Variants in NPC1 observed in about 807,000 individuals in gnomAD.
NPC1 encodes the protein Niemann-Pick C1 protein.
Under a neutral mutation model 140.4 loss-of-function variants are expected in NPC1, and 85 were observed. The observed-to-expected ratio is 0.61, with a 90% CI of 0.51 to 0.72. The LOEUF is 0.72. Ranked by LOEUF, NPC1 falls within the 30% of genes least tolerant of loss-of-function variation. The probability of loss-of-function intolerance (pLI) is 0.00; values close to 1 mark genes in which losing one functional copy is unlikely to be tolerated. For synonymous variants in NPC1, 656 were observed against 624.8 expected, an observed-to-expected ratio of 1.05 and a Z score of -0.74; for missense variants, 1,504 against 1,623.8, an observed-to-expected ratio of 0.93 and a Z score of 1.27.
At chr18:23,508,972 C>A (rs2057780655) in intron 3 of NPC1, among the ~76,000 whole-genome samples, 1 of 152,132 alleles carries the variant, frequency 6.6e-6, no homozygotes, top group African/African-American at 2.4e-5. Flanking sequence ...TTCTCCTGTT[C>A]TGTTTAGTAG....
At chr18:23,561,087 C>T (rs1233064629) in intron 5 of NPC1, among the ~76,000 whole-genome samples, 1 of 152,202 alleles carries the variant, frequency 6.6e-6, no homozygotes, top group African/African-American at 2.4e-5. Flanking sequence ...TCGTAACTCA[C>T]TGCAGCCTTG....
chr18:23,551,741 TA>T lies in NPC1; in HGVS notation c.1554-15del. ...GAGGCAGGAGCCCTGCCAAAAAGTT[TA>T]GAAAACACCTCCCAGTTAGAAGGGC... On this transcript the variant is annotated splice_polypyrimidine_tract_variant and intron_variant, in intron 9 of 24. Coordinates refer to ENST00000269228, the MANE Select transcript of NPC1 (RefSeq NM_000271.5). The T allele has an allele frequency of 6.3e-7, 1 of 1,580,626 alleles. No individual in the cohort carries two copies. The highest frequency in any genetic ancestry group is 1.1e-5 in the South Asian group (1 of 90,424).
rs1347569691 is a variant in NPC1 at position 23,551,704 on chromosome 18, G to C, written c.1577C>G (p.Thr526Arg). 2 of 1,614,022 alleles carry C rather than the reference G, an allele frequency of 1.2e-6. No individual in the cohort carries two copies. Among genetic ancestry groups the C allele is most frequent in the Non-Finnish European group, 1.7e-6 (2 of 1,179,986 alleles). The change falls in exon 10 of 25, where the codon ACA becomes AGA. Residue 526 changes from threonine (T) to arginine (R), a missense_variant. Physicochemically the swap from Thr to Arg is moderately conservative, Grantham distance 71. Transcript: ENST00000269228. ...CVRAPASLNDTSLLHDPCLGT... is the reference protein window; with the variant it reads ...CVRAPASLNDRSLLHDPCLGT... ...CAGACAAGGGTCATGGAGCAAACTT[G>C]TATCATTCAGAGAGGCAGGAGCCCT...
In NPC1 at chr18:23,556,338, G is replaced by T; in HGVS notation, c.1231C>A (p.Arg411=). 6.2e-7 allele frequency: 1 copy of T among 1,614,082 alleles called. No individual in the cohort carries two copies. The highest frequency in any genetic ancestry group is 2.2e-5 in the East Asian group (1 of 44,864). The change falls in exon 8 of 25, where the codon CGG becomes AGG. Residue 411 remains arginine, a synonymous_variant. Transcript: ENST00000269228. ...ATGTGTTTGTCAGTGAGAGGGGCCCGGATGATGAGCTGCTCCGTCCGGAAG... is the reference window on the plus strand; with the variant it reads ...ATGTGTTTGTCAGTGAGAGGGGCCCTGATGATGAGCTGCTCCGTCCGGAAG... ...PFFRTEQLII[R]APLTDKHIYQ...
intron 3 of NPC1, among the ~76,000 whole-genome samples, chr18:23,512,771 A>G (rs970903222): frequency 6.6e-6 from 1 of 151,926 alleles, no homozygotes; most frequent in Non-Finnish European, 1.5e-5. Flanking sequence ...AACATACAAC[A>G]TTTATTATCT....
intron 3 of NPC1, chr18:23,515,864 A>G: frequency 6.2e-7 from 1 of 1,614,158 alleles, no homozygotes; most frequent in Non-Finnish European, 8.5e-7. Flanking sequence ...AGGTATTACC[A>G]GAGAAACGGA....
chr18:23,534,473 T>C lies in NPC1; in HGVS notation c.3564A>G (p.Glu1188=). 6.2e-7 allele frequency: 1 copy of C among 1,613,884 alleles called. No homozygotes were observed. Among genetic ancestry groups the C allele is most frequent in the South Asian group, 1.1e-5 (1 of 91,084 alleles). Residue 1188 remains glutamate, a synonymous_variant, in exon 23 of 25, where the codon GAA becomes GAG. Transcript: ENST00000269228. ...SMKGSRVERA[E]EALAHMGSSV... ...AGCTGCCCATGTGGGCAAGTGCCTC[T>C]TCCGCGCGCTCCACGCGGCTGCCTT...
chr18:23,541,976 A>G (rs2058718801), intron 14 of NPC1, among the ~76,000 whole-genome samples: 1 of 152,150 alleles, frequency 6.6e-6, no homozygotes. Context: ...ACTTTTTTTT[A>G]TAAGTTGCCA....
intron 4 of NPC1, among the ~76,000 whole-genome samples, chr18:23,565,693 A>G (rs2059114515): frequency 6.6e-6 from 1 of 152,108 alleles, no homozygotes; most frequent in Non-Finnish European, 1.5e-5. Flanking sequence ...AGTTACTCCT[A>G]AGTATTTCCC....
intron 23 of NPC1, chr18:23,534,029 A>C (rs768966289): frequency 3.0e-6 from 1 of 329,260 alleles, no homozygotes; most frequent in Non-Finnish European, 5.8e-6. Flanking sequence ...GTTACGAAAC[A>C]AAGTTTTAGT....
chr18:23,540,527 A>C lies in NPC1; in HGVS notation c.2525T>G (p.Phe842Cys). 6.2e-7 allele frequency: 1 copy of C among 1,610,512 alleles called. No individual in the cohort carries two copies. The highest frequency in any genetic ancestry group is 8.5e-7 in the Non-Finnish European group (1 of 1,176,710). The change falls in exon 17 of 25, where the codon TTT becomes TGT. Residue 842 changes from phenylalanine to cysteine, a missense_variant. Transcript: ENST00000269228. ...GATGCTGAATGACAGAACACCCACA[A>C]ATATTGCTATCTGGAACAACAAATG... ...DWMRPIVIAI[F>C]VGVLSFSIAV... is the part of the protein sequence containing the mutation.
intron 17 of NPC1, among the ~76,000 whole-genome samples, 196 bp from the exon 18 acceptor site, chr18:23,540,197 G>A (rs2058693602): frequency 6.6e-6 from 1 of 152,160 alleles, no homozygotes; most frequent in South Asian, 2.1e-4. Flanking sequence ...ACAATCAGGA[G>A]AGCATCTCAT....
intron 17 of NPC1, 74 bp downstream of exon 17, chr18:23,540,374 C>T (rs763062757): frequency 1.4e-5 from 14 of 975,806 alleles, no homozygotes; most frequent in Non-Finnish European, 2.2e-5. Context: ...GAAACACCTA[C>T]GTGCATGTTT....
At chr18:23,537,069 T>G (rs1305447713) in intron 20 of NPC1, among the ~76,000 whole-genome samples, 193 bp from the exon 21 acceptor site, 10 of 151,638 alleles carry the variant, frequency 6.6e-5, no homozygotes, top group African/African-American at 2.4e-4. Context: ...CAGACTGGCT[T>G]CTTTTTTTTT....
chr18:23,558,989 T>C (rs1324157855), intron 6 of NPC1, among the ~76,000 whole-genome samples: 2 of 152,222 alleles, frequency 1.3e-5, no homozygotes, highest in African/African-American at 4.8e-5. Context: ...TTTTTGTCCT[T>C]GCGATATTTT....
At chr18:23,514,853 C>T (rs944372320) in intron 3 of NPC1, among the ~76,000 whole-genome samples, 1 of 152,094 alleles carries the variant, frequency 6.6e-6, no homozygotes, top group African/African-American at 2.4e-5. Context: ...GGCTCCTGCC[C>T]CTGACTTGCG....
downstream of NPC1, among the ~76,000 whole-genome samples, chr18:23,520,977 CA>C (rs1361077582): frequency 6.6e-6 from 1 of 152,202 alleles, no homozygotes; most frequent in Non-Finnish European, 1.5e-5. Context: ...CTTGGCCTCT[CA>C]AAGTGGTGGG....
In NPC1 at chr18:23,536,595, G is replaced by C. The variant is rs1451361027; in HGVS notation, c.3245+78C>G. On this transcript the variant is annotated intron_variant, in intron 21 of 24. Coordinates refer to ENST00000269228, the MANE Select transcript of NPC1 (RefSeq NM_000271.5). ...AACCCAACCTGAAAATCAGCATCTTGCCAAGGGAACCCTCCCCACTCCCAC... is the reference window on the plus strand; with the variant it reads ...AACCCAACCTGAAAATCAGCATCTTCCCAAGGGAACCCTCCCCACTCCCAC... The C allele has an allele frequency of 4.6e-6, 6 of 1,295,228 alleles. No individual in the cohort carries two copies. In the African/African-American group the frequency reaches 8.8e-5, roughly 19 times the overall value. The allele number at this position is 1,295,228 out of a possible 1,614,324, so 80.2% of individuals were successfully genotyped here. A position where few individuals can be genotyped will look rare whatever the true frequency, so the allele number is the denominator to read the frequency against.
intron 7 of NPC1, 146 bp from the exon 8 acceptor site, chr18:23,556,759 T>A (rs1161024036): frequency 2.3e-6 from 3 of 1,307,660 alleles, no homozygotes; most frequent in Non-Finnish European, 3.2e-6. Context: ...CTCAGCTACC[T>A]ATCTGCTCAG....
Sources: gnomAD v4.1 joint callset for allele counts (sites outside exome capture counted in the v4.1 genomes callset) on GRCh38, gnomAD v4.1.1 for gene constraint, MANE v1.5 for transcripts, NCBI Gene and HGNC (gene_info 2026-07-23, HGNC 2026-07-21) for gene names.